Variants in DENND1B observed in about 807,000 individuals in gnomAD.
DENND1B encodes DENN domain containing 1B, also known as DENN domain-containing protein 1B.
DENND1B carries 59 observed loss-of-function variants against 90.1 expected under a neutral mutation model. The ratio of observed to expected loss-of-function variants is 0.65; its 90% confidence interval spans 0.53 to 0.81. The LOEUF (loss-of-function observed/expected upper bound fraction) is 0.81. Ranked by LOEUF, DENND1B falls within the 40% of genes least tolerant of loss-of-function variation. The probability of loss-of-function intolerance (pLI) is 0.00; values close to 1 mark genes in which losing one functional copy is unlikely to be tolerated. For synonymous variants in DENND1B, 337 were observed against 324.6 expected, an observed-to-expected ratio of 1.04 and a Z score of -0.41; for missense variants, 862 against 912.6, an observed-to-expected ratio of 0.94 and a Z score of 0.71.
chr1:197,736,420 C>T (rs1438493670), intron 2 of DENND1B, among the ~76,000 whole-genome samples: 1 of 152,132 alleles, frequency 6.6e-6, no homozygotes, highest in Non-Finnish European at 1.5e-5. Flanking sequence ...ACAATCATAG[C>T]TTACTGCAGC....
At chr1:197,651,081 A>G (rs896753426) in intron 7 of DENND1B, among the ~76,000 whole-genome samples, 1 of 152,060 alleles carries the variant, frequency 6.6e-6, no homozygotes, top group African/African-American at 2.4e-5. Context: ...TACAATAAAG[A>G]TAACAACTTC....
chr1:197,731,950 T>C (rs536968163), intron 2 of DENND1B, among the ~76,000 whole-genome samples: 2 of 152,316 alleles, frequency 1.3e-5, no homozygotes, highest in South Asian at 4.1e-4. Context: ...ATTCACTATA[T>C]CATTATATGC....
At chr1:197,528,651 G>A (rs914193288) in intron 20 of DENND1B, among the ~76,000 whole-genome samples, 72 of 152,202 alleles carry the variant, frequency 4.7e-4, no homozygotes, top group Non-Finnish European at 7.8e-4. Flanking sequence ...ACGAGATCAG[G>A]AGATCGAGAC....
At chr1:197,611,146 A>C (rs2125847214) in intron 12 of DENND1B, among the ~76,000 whole-genome samples, 1 of 151,030 alleles carries the variant, frequency 6.6e-6, no homozygotes, top group Admixed American at 6.6e-5. Context: ...GTTAAAGTAC[A>C]ATCTGTACAA....
intron 2 of DENND1B, among the ~76,000 whole-genome samples, chr1:197,726,148 GGC>G (rs1247608698): frequency 6.6e-6 from 1 of 152,056 alleles, no homozygotes; most frequent in Non-Finnish European, 1.5e-5. Flanking sequence ...CAGAATTCAT[GGC>G]AAGGGCAATA....
intron 10 of DENND1B, among the ~76,000 whole-genome samples, chr1:197,618,094 G>A (rs138498537): frequency 2.0e-5 from 3 of 151,144 alleles, no homozygotes; most frequent in Non-Finnish European, 4.4e-5. Flanking sequence ...ATTACAATTT[G>A]TACAGCATAG....
chr1:197,668,582 C>T lies in DENND1B; in HGVS notation c.296+3455G>A, dbSNP rs191303755. On this transcript the variant is annotated intron_variant, in intron 5 of 22. Coordinates refer to ENST00000620048, the MANE Select transcript of DENND1B (RefSeq NM_001195215.2). ...TATAACCTCCTCTCTGTCCCACAAC[C>T]CCTTCCCTTCTCTCCCACCAGCATG... 1.2e-3 allele frequency among the ~76,000 whole-genome samples: 186 copies of T among 151,338 alleles called. 2 individuals are homozygous for T. The highest frequency in any genetic ancestry group is 4.2e-3 in the African/African-American group (175 of 41,306).
intron 2 of DENND1B, among the ~76,000 whole-genome samples, chr1:197,743,773 A>G (rs1051161616): frequency 3.9e-4 from 59 of 152,164 alleles, no homozygotes; most frequent in Non-Finnish European, 1.3e-4. Context: ...GCTTGAGCCC[A>G]GGTGTTCAAG....
rs1667975002 is a variant in DENND1B at position 197,510,834 on chromosome 1, A to G, written c.1954T>C (p.Ser652Pro). Residue 652 changes from serine to proline, a missense_variant, in exon 23 of 23, where the codon TCC becomes CCC. By Grantham distance (74) the Ser-to-Pro change is moderately conservative. Coordinates refer to ENST00000620048, the MANE Select transcript of DENND1B (RefSeq NM_001195215.2). ...HLPPSPRKRV[S>P]SSGLTDSLFI... ...AGAGAATCTGTCAAACCACTAGAGG[A>G]AACCCGCTTCCTAGGAGATGGAGGG... is the stretch of plus-strand genomic sequence containing the variant. 1 of 1,611,980 alleles carries G rather than the reference A, an allele frequency of 6.2e-7. No individual in the cohort carries two copies. Among genetic ancestry groups the G allele is most frequent in the South Asian group, 1.1e-5 (1 of 90,940 alleles).
chr1:197,554,859 G>T, intron 15 of DENND1B, among the ~76,000 whole-genome samples: 1 of 149,744 alleles, frequency 6.7e-6, no homozygotes, highest in Non-Finnish European at 1.5e-5. Flanking sequence ...AAAAAGAGGG[G>T]GTGGGGAAGA....
chr1:197,746,891 G>A, intron 2 of DENND1B: 5 of 1,611,390 alleles, frequency 3.1e-6, no homozygotes, highest in Non-Finnish European at 4.2e-6. Flanking sequence ...AACTGCTTTG[G>A]CAATCTTTAC....
intron 10 of DENND1B, among the ~76,000 whole-genome samples, chr1:197,633,174 T>C (rs1048184352): frequency 3.9e-5 from 6 of 152,222 alleles, no homozygotes; most frequent in African/African-American, 1.4e-4. Context: ...GCTTCTCCTT[T>C]AGAGGAAAGG....
chr1:197,744,515 C>T (rs935420208), intron 2 of DENND1B, among the ~76,000 whole-genome samples: 7 of 152,094 alleles, frequency 4.6e-5, no homozygotes, highest in Non-Finnish European at 1.0e-4. Flanking sequence ...TTTTTCTAAG[C>T]AGTAGGTCTT....
chr1:197,688,617 G>A (rs1657515272), intron 3 of DENND1B: 1 of 152,114 alleles, frequency 6.6e-6, no homozygotes, highest in African/African-American at 2.4e-5. Context: ...ATGTCTACAT[G>A]TAAAAGAATG....
At chr1:197,514,144 C>A (rs544102557) in intron 20 of DENND1B, among the ~76,000 whole-genome samples, 1 of 151,800 alleles carries the variant, frequency 6.6e-6, no homozygotes, top group Admixed American at 6.6e-5. Context: ...CTGGCTAAAT[C>A]CACTATTTCA....
At chr1:197,733,569 T>C (rs1662348979) in intron 2 of DENND1B, among the ~76,000 whole-genome samples, 1 of 152,196 alleles carries the variant, frequency 6.6e-6, no homozygotes, top group South Asian at 2.1e-4. Context: ...TCTGTCTTTG[T>C]CTTCGTTGTT....
chr1:197,735,501 C>T, intron 2 of DENND1B: 1 of 1,591,562 alleles, frequency 6.3e-7, no homozygotes, highest in Non-Finnish European at 8.6e-7. Flanking sequence ...TTTTGCTTAA[C>T]AGTTTATGTT....
At chr1:197,687,003 G>A (rs1242010880) in intron 3 of DENND1B, among the ~76,000 whole-genome samples, 1 of 152,166 alleles carries the variant, frequency 6.6e-6, no homozygotes, top group Non-Finnish European at 1.5e-5. Context: ...TAAAAGAGCT[G>A]TATTGAGGAT....
At chr1:197,757,903 T>C (rs1654512945) in intron 2 of DENND1B, among the ~76,000 whole-genome samples, 1 of 152,232 alleles carries the variant, frequency 6.6e-6, no homozygotes, top group Non-Finnish European at 1.5e-5. Flanking sequence ...TTTGTAATAT[T>C]ATCCTTAATT....
Sources: allele counts gnomAD v4.1 joint callset (sites outside exome capture counted in the v4.1 genomes callset), GRCh38; gene constraint gnomAD v4.1.1; transcripts MANE v1.5; gene names NCBI Gene and HGNC (gene_info 2026-07-23, HGNC 2026-07-21).